The following RGS17 variants were observed in gnomAD, a reference collection of about 807,000 sequenced individuals.
RGS17 encodes the protein regulator of G-protein signaling 17.
In RGS17, 12 loss-of-function variants were observed where a neutral mutation model predicts 25.5. That is an observed-to-expected ratio of 0.47 (90% CI 0.30 to 0.76). The LOEUF (loss-of-function observed/expected upper bound fraction) is 0.76. Ranked by LOEUF, RGS17 falls within the 30% of genes least tolerant of loss-of-function variation. RGS17 has a pLI of 0.07. For missense variants in RGS17, 196 were observed against 242.2 expected (o/e 0.81, Z 1.27); for synonymous variants, 71 against 76.9 (o/e 0.92, Z 0.40).
rs1000352962 is a variant in RGS17 at position 153,015,949 on chromosome 6, A to G, written c.445-4187T>C. On this transcript the variant is annotated intron_variant, in intron 4 of 4. Coordinates refer to ENST00000206262, the MANE Select transcript of RGS17 (RefSeq NM_012419.5). Reference sequence around the variant, plus strand: ...ATTACAGGTGTGAGCCACCGCGCCCAGCCAAGCATATCTTTTATGTGCATT... The same window carrying G: ...ATTACAGGTGTGAGCCACCGCGCCCGGCCAAGCATATCTTTTATGTGCATT... Among the ~76,000 whole-genome samples, 9 of 152,000 alleles carry G rather than the reference A, an allele frequency of 5.9e-5. No homozygotes were observed. In the East Asian group the frequency reaches 7.8e-4, roughly 13 times the overall value.
At chr6:153,069,197 G>T (rs190156885) in intron 1 of RGS17, among the ~76,000 whole-genome samples, 96 of 152,272 alleles carry the variant, frequency 6.3e-4, no homozygotes, top group African/African-American at 2.2e-3. Flanking sequence ...AGATTTGGAA[G>T]CAACCTAAGT....
intron 1 of RGS17, among the ~76,000 whole-genome samples, chr6:153,110,926 C>T (rs911234803): frequency 2.6e-5 from 4 of 152,210 alleles, no homozygotes; most frequent in African/African-American, 7.2e-5. Flanking sequence ...ACTTTTCCCA[C>T]GGTCTTCACA....
intron 1 of RGS17, among the ~76,000 whole-genome samples, chr6:153,102,573 G>T (rs1777321160): frequency 6.6e-6 from 1 of 152,168 alleles, no homozygotes; most frequent in South Asian, 2.1e-4. Context: ...CTTCCCCCAT[G>T]CCGTTCTCAT....
intron 2 of RGS17, among the ~76,000 whole-genome samples, chr6:153,040,443 C>T (rs2129109783): frequency 6.6e-6 from 1 of 152,212 alleles, no homozygotes; most frequent in African/African-American, 2.4e-5. Flanking sequence ...TGTTAAAAAA[C>T]CCATAACATG....
chr6:153,098,394 T>G (rs1777248590), intron 1 of RGS17, among the ~76,000 whole-genome samples: 1 of 152,212 alleles, frequency 6.6e-6, no homozygotes, highest in African/African-American at 2.4e-5. Context: ...AAAAATTTAT[T>G]CCAGATTTTA....
At position 153,022,132 on chromosome 6, in the gene RGS17, C is replaced by CAGG. The variant is rs369899392; in HGVS notation, c.444+2127_444+2129dup. 7.4e-3 allele frequency among the ~76,000 whole-genome samples: 1,123 copies of CAGG among 152,202 alleles called. 11 individuals carry two copies. Among genetic ancestry groups the CAGG allele is most frequent in the African/African-American group, 0.025 (1,054 of 41,514 alleles). On this transcript the variant is annotated intron_variant, in intron 4 of 4. Transcript: ENST00000206262. ...CTGAGGCAGGAGATTCGCTTGAACC[C>CAGG]AGGAGGTGGAGGTTGCAGTGAGCTA... is the stretch of plus-strand genomic sequence containing the variant.
At chr6:153,090,878 C>T (rs1777121370) in intron 1 of RGS17, among the ~76,000 whole-genome samples, 1 of 151,910 alleles carries the variant, frequency 6.6e-6, no homozygotes, top group Non-Finnish European at 1.5e-5. Context: ...TCTGTGGTTT[C>T]AGGTGTCCAC....
chr6:153,100,941 C>T (rs1448030199), intron 1 of RGS17, among the ~76,000 whole-genome samples: 9 of 152,204 alleles, frequency 5.9e-5, no homozygotes, highest in Admixed American at 6.5e-5. Flanking sequence ...CTGAGCATCA[C>T]TTTCCTTTTT....
Position 153,024,153 on chromosome 6 carries a change from A to G in RGS17, c.444+109T>C, listed in dbSNP as rs895222841. On this transcript the variant is annotated intron_variant, in intron 4 of 4. Transcript: ENST00000206262. The stretch of plus-strand genomic sequence containing the variant: ...CAGAAGCTGAATTATCTACCCAGTG[A>G]AATCTTCTACCCTCTCCACACCCCA... The G allele has an allele frequency of 7.4e-6, 5 of 677,748 alleles. No homozygotes were observed. The Admixed American group carries it at 1.4e-4, about 19-fold the overall frequency. 42.0% of individuals were successfully genotyped at this position (677,748 alleles called of 1,614,324 possible). A position where few individuals can be genotyped will look rare whatever the true frequency, so the allele number is the denominator to read the frequency against.
chr6:153,095,920 C>T (rs191062609), intron 1 of RGS17, among the ~76,000 whole-genome samples: 61 of 152,278 alleles, frequency 4.0e-4, no homozygotes, highest in African/African-American at 1.3e-3. Context: ...AACCAATTAA[C>T]ATGGTAGGCA....
intron 1 of RGS17, among the ~76,000 whole-genome samples, chr6:153,090,244 C>T (rs370266015): frequency 6.6e-5 from 10 of 151,840 alleles, no homozygotes; most frequent in East Asian, 5.8e-4. Flanking sequence ...AATATAATAC[C>T]CGACTCTCTT....
intron 1 of RGS17, among the ~76,000 whole-genome samples, chr6:153,110,550 A>G (rs891473942): frequency 6.6e-6 from 1 of 152,164 alleles, no homozygotes; most frequent in Non-Finnish European, 1.5e-5. Flanking sequence ...CTGCGACATT[A>G]TTAATGCAAT....
At chr6:153,086,016 G>T (rs1236548811) in intron 1 of RGS17, among the ~76,000 whole-genome samples, 1 of 152,156 alleles carries the variant, frequency 6.6e-6, no homozygotes, top group African/African-American at 2.4e-5. Context: ...ATGTCTGAGA[G>T]ACAGACTTCT....
intron 1 of RGS17, among the ~76,000 whole-genome samples, chr6:153,117,840 G>C (rs1777566082): frequency 6.6e-6 from 1 of 152,112 alleles, no homozygotes; most frequent in Admixed American, 6.5e-5. Context: ...GGCACTGCTT[G>C]GTGTACTAGC....
chr6:153,090,989 C>T (rs1479116188), intron 1 of RGS17, among the ~76,000 whole-genome samples: 3 of 152,046 alleles, frequency 2.0e-5, no homozygotes. Context: ...AAAGTAAGAC[C>T]ATTTAACAAA....
At chr6:153,128,332 T>C (rs887667790) in intron 1 of RGS17, among the ~76,000 whole-genome samples, 1 of 152,226 alleles carries the variant, frequency 6.6e-6, no homozygotes, top group Admixed American at 6.5e-5. Context: ...TAGTGCAGTA[T>C]TCTCAGTGTT....
At chr6:153,045,840 T>C (rs1339053671) in intron 1 of RGS17, among the ~76,000 whole-genome samples, 1 of 152,194 alleles carries the variant, frequency 6.6e-6, no homozygotes, top group African/African-American at 2.4e-5. Context: ...TTATAAAACT[T>C]ATCTGACTTC....
At chr6:153,109,268 T>C (rs1777432192) in intron 1 of RGS17, among the ~76,000 whole-genome samples, 1 of 152,226 alleles carries the variant, frequency 6.6e-6, no homozygotes, top group African/African-American at 2.4e-5. Context: ...GAGACGAGTG[T>C]ATATTAAAAT....
At chr6:153,013,513 TTAAA>T (rs1305471311) in intron 4 of RGS17, among the ~76,000 whole-genome samples, 1 of 152,142 alleles carries the variant, frequency 6.6e-6, no homozygotes, top group Non-Finnish European at 1.5e-5. Context: ...ATCTGTCACA[TTAAA>T]TAAAAAGCTA....
Sources: allele counts gnomAD v4.1 joint callset (sites outside exome capture counted in the v4.1 genomes callset), GRCh38; gene constraint gnomAD v4.1.1; transcripts MANE v1.5; gene names NCBI Gene and HGNC (gene_info 2026-07-23, HGNC 2026-07-21).